The following BCAS3 variants were observed in gnomAD, a reference collection of about 807,000 sequenced individuals.
BCAS3 encodes the protein BCAS3 microtubule associated cell migration factor, also known as BCAS4/BCAS3 fusion.
BCAS3 carries 53 observed loss-of-function variants against 116.1 expected under a neutral mutation model. That is an observed-to-expected ratio of 0.46 (90% CI 0.37 to 0.57). The LOEUF (loss-of-function observed/expected upper bound fraction) is 0.57. Ranked by LOEUF, BCAS3 falls within the 20% of genes least tolerant of loss-of-function variation. The probability of loss-of-function intolerance (pLI) is 0.00; values close to 1 mark genes in which losing one functional copy is unlikely to be tolerated. For missense variants in BCAS3, 917 were observed against 1,165.4 expected, an observed-to-expected ratio of 0.79 and a Z score of 3.10; for synonymous variants, 391 against 408.2, an observed-to-expected ratio of 0.96 and a Z score of 0.51.
chr17:60,792,077 C>T (rs370752001), intron 6 of BCAS3, among the ~76,000 whole-genome samples: 17 of 152,214 alleles, frequency 1.1e-4, no homozygotes, highest in East Asian at 5.8e-4. Context: ...GAGCCGAGAT[C>T]GTGCCACTGT....
intron 12 of BCAS3, among the ~76,000 whole-genome samples, chr17:60,918,939 C>T (rs1010621592): frequency 2.6e-5 from 4 of 152,102 alleles, no homozygotes; most frequent in Admixed American, 6.5e-5. Flanking sequence ...GTGATCCACC[C>T]GCCTCAGCCT....
chr17:60,948,281 G>C (rs576304080), intron 14 of BCAS3, among the ~76,000 whole-genome samples: 1 of 151,742 alleles, frequency 6.6e-6, no homozygotes, highest in Non-Finnish European at 1.5e-5. Context: ...GCTAATTTTT[G>C]CATTTTTAGT....
chr17:61,038,849 T>G (rs1212737865), intron 18 of BCAS3, among the ~76,000 whole-genome samples: 1 of 151,636 alleles, frequency 6.6e-6, no homozygotes, highest in Non-Finnish European at 1.5e-5. Context: ...TTAGTAGAGA[T>G]AGGGTTTCAC....
In BCAS3 at chr17:61,332,770, C is replaced by G. The variant is rs531072419; in HGVS notation, c.2426-35557C>G. On this transcript the variant is annotated intron_variant, in intron 22 of 23. Coordinates refer to ENST00000407086, the MANE Select transcript of BCAS3 (RefSeq NM_017679.5). The surrounding 1 kb of genome is among the most constrained non-coding windows in gnomAD (Gnocchi z 5.4). ...AGCTGGGATTATAGGCGTCTGCCACCACGCCTGGCTAATTTTTGTATTTTT... is the reference window on the plus strand; with the variant it reads ...AGCTGGGATTATAGGCGTCTGCCACGACGCCTGGCTAATTTTTGTATTTTT... 6.6e-6 allele frequency among the ~76,000 whole-genome samples: 1 copy of G among 152,280 alleles called. No individual in the cohort carries two copies. Among genetic ancestry groups the G allele is most frequent in the East Asian group, 1.9e-4 (1 of 5,172 alleles).
intron 5 of BCAS3, among the ~76,000 whole-genome samples, chr17:60,713,678 C>T (rs2038201761): frequency 6.6e-6 from 1 of 152,124 alleles, no homozygotes; most frequent in African/African-American, 2.4e-5. Context: ...TAAGAGATGA[C>T]TTAAAGTATA....
chr17:60,681,930 A>G (rs920931476), intron 2 of BCAS3, among the ~76,000 whole-genome samples: 1 of 151,760 alleles, frequency 6.6e-6, no homozygotes, highest in African/African-American at 2.4e-5. Flanking sequence ...GGGTTTCTCC[A>G]TGTTGTCCAG....
chr17:60,844,861 A>G (rs1411873184), intron 7 of BCAS3, among the ~76,000 whole-genome samples: 4 of 152,184 alleles, frequency 2.6e-5, no homozygotes, highest in Non-Finnish European at 4.4e-5. Flanking sequence ...TACCATGAGT[A>G]AAAAAGTTAA....
At chr17:60,980,805 G>T (rs995881561) in intron 14 of BCAS3, among the ~76,000 whole-genome samples, 1 of 151,678 alleles carries the variant, frequency 6.6e-6, no homozygotes, top group African/African-American at 2.4e-5. Flanking sequence ...CAAAGTGTTG[G>T]GATTATAGAC....
At chr17:60,850,578 C>T (rs750427635) in intron 7 of BCAS3, among the ~76,000 whole-genome samples, 35 of 151,762 alleles carry the variant, frequency 2.3e-4, no homozygotes, top group Non-Finnish European at 4.9e-4. Flanking sequence ...AGGCTGGTCT[C>T]GAACTCCTGA....
At chr17:61,157,731 A>C (rs1326262043) in intron 22 of BCAS3, among the ~76,000 whole-genome samples, 1 of 152,164 alleles carries the variant, frequency 6.6e-6, no homozygotes, top group East Asian at 1.9e-4. Flanking sequence ...CATATGAATC[A>C]GCAAGCTGCA....
intron 7 of BCAS3, among the ~76,000 whole-genome samples, chr17:60,826,043 G>A (rs893656153): frequency 2.0e-5 from 3 of 151,510 alleles, no homozygotes; most frequent in African/African-American, 7.3e-5. Context: ...TGTATTTTTA[G>A]TAGAAACAGG....
Position 61,388,554 on chromosome 17 carries a change from G to A in BCAS3, c.2594-3423G>A. 1 of 1,458,914 alleles carries A rather than the reference G, an allele frequency of 6.9e-7. No individual in the cohort carries two copies. The highest frequency in any genetic ancestry group is 1.4e-5 in the African/African-American group (1 of 70,542). 90.4% of individuals were successfully genotyped at this position (1,458,914 alleles called of 1,614,324 possible). A position where few individuals can be genotyped will look rare whatever the true frequency, so the allele number is the denominator to read the frequency against. ...TCTCCACCTGCTTGCAGAGATCAGT[G>A]TACTTCTCAATCGTTGTCCATATCT... On this transcript the variant is annotated intron_variant, in intron 23 of 23. Coordinates refer to ENST00000407086, the MANE Select transcript of BCAS3 (RefSeq NM_017679.5). The surrounding 1 kb of genome is among the most constrained non-coding windows in gnomAD (Gnocchi z 6.5).
chr17:61,030,579 G>A (rs995300854), intron 16 of BCAS3, among the ~76,000 whole-genome samples: 5 of 151,942 alleles, frequency 3.3e-5, no homozygotes, highest in African/African-American at 9.7e-5. Flanking sequence ...AATGATTCTC[G>A]TTCTATGGTT....
rs755754824 is a variant in BCAS3 at position 61,107,082 on chromosome 17, C to CTTTTTT, written c.2425+22535_2425+22540dup. Among the ~76,000 whole-genome samples the CTTTTTT allele has an allele frequency of 6.7e-4, 71 of 106,332 alleles. 2 individuals are homozygous for CTTTTTT. Among genetic ancestry groups the CTTTTTT allele is most frequent in the Admixed American group, 9.9e-4 (8 of 8,110 alleles). 69.8% of individuals were successfully genotyped at this position (106,332 alleles called of 152,430 possible). On this transcript the variant is annotated intron_variant, in intron 22 of 23. Transcript: ENST00000407086. ...TCTTGCTTTGCTAACACTAGGCTTA[C>CTTTTTT]TTTTTTTTTTTTTTTTTTTTTTGAG...
At chr17:61,179,047 T>G (rs1399000252) in intron 22 of BCAS3, among the ~76,000 whole-genome samples, 1 of 152,098 alleles carries the variant, frequency 6.6e-6, no homozygotes, top group Non-Finnish European at 1.5e-5. Context: ...GAAATGGCAT[T>G]GCTAGGTAAA....
At chr17:60,899,999 GTCTGCACTAAGTTC>G (rs2057773463) in intron 10 of BCAS3, 3 of 152,334 alleles carry the variant, frequency 2.0e-5, no homozygotes. Context: ...CCAATCAGGT[GTCTGCACTAAGTTC>G]AGCATCAATA....
Position 61,315,177 on chromosome 17 carries a change from G to A in BCAS3, c.2426-53150G>A, listed in dbSNP as rs1365591638. On this transcript the variant is annotated intron_variant, in intron 22 of 23. Transcript: ENST00000407086. This position sits in a 1 kb window ranked among gnomAD's most constrained non-coding sequence, Gnocchi z 5.3. ...GTCACCTAGGCTGGAGTGCAGTGGCGTGATCTCGGCTCACTGCAGCCTCCG... is the reference window on the plus strand; with the variant it reads ...GTCACCTAGGCTGGAGTGCAGTGGCATGATCTCGGCTCACTGCAGCCTCCG... Among the ~76,000 whole-genome samples the A allele has an allele frequency of 3.9e-5, 6 of 152,176 alleles. No individual in the cohort carries two copies. Among genetic ancestry groups the A allele is most frequent in the East Asian group, 1.9e-4 (1 of 5,160 alleles).
chr17:60,830,632 A>G (rs541617244), intron 7 of BCAS3, among the ~76,000 whole-genome samples: 1 of 152,264 alleles, frequency 6.6e-6, no homozygotes, highest in East Asian at 1.9e-4. Flanking sequence ...TGAGGACCAA[A>G]TATTTGAAGA....
At chr17:60,788,190 A>G (rs997778446) in intron 6 of BCAS3, among the ~76,000 whole-genome samples, 2 of 152,180 alleles carry the variant, frequency 1.3e-5, no homozygotes, top group African/African-American at 2.4e-5. Context: ...AGATGAGTTG[A>G]TCATTAATTT....
Sources: gnomAD v4.1 joint callset for allele counts (sites outside exome capture counted in the v4.1 genomes callset) on GRCh38, gnomAD v4.1.1 for gene constraint, Gnocchi (gnomAD v3.1) non-coding constraint, MANE v1.5 for transcripts, NCBI Gene and HGNC (gene_info 2026-07-23, HGNC 2026-07-21) for gene names.